RIT2: variants seen among roughly 807,000 people sequenced by gnomAD.
RIT2 encodes the protein GTP-binding protein Rit2.
In RIT2, 24 loss-of-function variants were observed where a neutral mutation model predicts 23.7. The observed-to-expected ratio is 1.01, with a 90% CI of 0.73 to 1.43. RIT2 has a LOEUF of 1.43. RIT2 is among the 40% of genes most tolerant of loss of function. The pLI is 0.00. For synonymous variants in RIT2, 107 were observed against 91.1 expected (o/e 1.17, Z -0.99); for missense variants, 236 against 266.9 (o/e 0.88, Z 0.81).
At chr18:42,965,236 A>G (rs1479664622) in intron 3 of RIT2, among the ~76,000 whole-genome samples, 1 of 152,228 alleles carries the variant, frequency 6.6e-6, no homozygotes, top group Non-Finnish European at 1.5e-5. Flanking sequence ...AATCCTTTAA[A>G]TAACATTTAA....
intron 2 of RIT2, among the ~76,000 whole-genome samples, chr18:43,029,004 T>C (rs1042133957): frequency 1.2e-4 from 19 of 152,064 alleles, no homozygotes; most frequent in African/African-American, 4.3e-4. Context: ...TCCATGCTGG[T>C]CTAACAGCCA....
At chr18:42,994,293 C>A (rs1041338501) in intron 2 of RIT2, among the ~76,000 whole-genome samples, 6 of 152,104 alleles carry the variant, frequency 3.9e-5, no homozygotes, top group Non-Finnish European at 8.8e-5. Flanking sequence ...ATTTCTTCTC[C>A]ATCCGTTACC....
intron 4 of RIT2, among the ~76,000 whole-genome samples, chr18:42,833,357 A>G (rs551653781): frequency 1.2e-4 from 19 of 152,246 alleles, no homozygotes; most frequent in African/African-American, 4.3e-4. Flanking sequence ...TTCTGTATAT[A>G]TACTACATTT....
At chr18:42,743,794 G>T in intron 4 of RIT2, 74 bp from the exon 5 acceptor site, 1 of 1,186,956 alleles carries the variant, frequency 8.4e-7, no homozygotes. Flanking sequence ...TTCTCTACTA[G>T]AGCTGTGTGT....
At chr18:42,993,202 C>T (rs531435608) in intron 2 of RIT2, among the ~76,000 whole-genome samples, 1 of 152,310 alleles carries the variant, frequency 6.6e-6, no homozygotes, top group African/African-American at 2.4e-5. Context: ...CCCAGGATTC[C>T]TCCTAAGCCA....
At chr18:42,766,328 A>T (rs1055335598) in intron 4 of RIT2, among the ~76,000 whole-genome samples, 7 of 152,184 alleles carry the variant, frequency 4.6e-5, no homozygotes, top group African/African-American at 1.7e-4. Flanking sequence ...TCAGATGGAG[A>T]TGAGGAATTT....
At chr18:42,853,504 G>A (rs774548018) in intron 4 of RIT2, among the ~76,000 whole-genome samples, 16 of 152,102 alleles carry the variant, frequency 1.1e-4, no homozygotes, top group East Asian at 3.9e-4. Context: ...GCCTTTGCAC[G>A]TTAAAAGCAT....
rs772207386 is a variant in RIT2, at chr18:42,974,125, G to C, written c.183C>G (p.Val61=). 2 of 1,611,240 alleles carry C rather than the reference G, an allele frequency of 1.2e-6. No homozygotes were observed. The highest frequency in any genetic ancestry group is 2.2e-5 in the South Asian group (2 of 90,924). Residue 61 remains valine, a synonymous_variant, in exon 3 of 5, where the codon GTC becomes GTG. Transcript: ENST00000326695. ...PTIEDAYKTQ[V]RIDNEPAYLD... Reference sequence around the variant, plus strand: ...AGTAAGCTGGCTCATTGTCAATCCTGACCTGGGTCTTATAAGCATCTTCTG... The same window carrying C: ...AGTAAGCTGGCTCATTGTCAATCCTCACCTGGGTCTTATAAGCATCTTCTG...
chr18:43,038,019 A>G (rs955035210), intron 1 of RIT2, among the ~76,000 whole-genome samples: 5 of 151,956 alleles, frequency 3.3e-5, no homozygotes, highest in African/African-American at 1.2e-4. Context: ...CCTGGCTAAC[A>G]TGGTGAAACC....
intron 4 of RIT2, among the ~76,000 whole-genome samples, chr18:42,820,119 C>A (rs1052716090): frequency 2.0e-5 from 3 of 151,964 alleles, no homozygotes; most frequent in Non-Finnish European, 2.9e-5. Context: ...ATTTTTTCCC[C>A]AAATATTTTG....
intron 1 of RIT2, among the ~76,000 whole-genome samples, chr18:43,038,949 T>C (rs567434473): frequency 5.2e-4 from 79 of 152,268 alleles, no homozygotes; most frequent in African/African-American, 1.7e-3. Context: ...GTGAGGATCA[T>C]AGAAGTAATT....
intron 2 of RIT2, among the ~76,000 whole-genome samples, chr18:43,016,852 CA>C (rs200636470): frequency 0.013 from 2,021 of 151,966 alleles, 42 homozygotes; most frequent in African/African-American, 0.046. Flanking sequence ...TGTGAAATGT[CA>C]GAATGTTGTC....
At position 43,115,675 on chromosome 18, in the gene RIT2, G is replaced by A. The variant is rs1351422351; in HGVS notation, c.-156C>T. ...GGCTGGCTGCTGGTCCTCCGCTCGA[G>A]CGGGTCTCATAGCAACCACTTCAAT... On this transcript the variant is annotated 5_prime_UTR_variant, in exon 1 of 5. Transcript: ENST00000326695. 1 of 1,087,350 alleles carries A rather than the reference G, an allele frequency of 9.2e-7. No individual in the cohort carries two copies. Among genetic ancestry groups the A allele is most frequent in the South Asian group, 1.8e-5 (1 of 54,182 alleles). 67.4% of individuals were successfully genotyped at this position (1,087,350 alleles called of 1,614,324 possible). A position where few individuals can be genotyped will look rare whatever the true frequency, so the allele number is the denominator to read the frequency against.
intron 4 of RIT2, among the ~76,000 whole-genome samples, chr18:42,815,800 T>C (rs1905978562): frequency 6.6e-6 from 1 of 152,120 alleles, no homozygotes; most frequent in Non-Finnish European, 1.5e-5. Flanking sequence ...ACAATACAAA[T>C]CACTCAAAAT....
intron 4 of RIT2, among the ~76,000 whole-genome samples, chr18:42,810,314 A>G (rs1275845702): frequency 1.3e-5 from 2 of 151,786 alleles, no homozygotes; most frequent in Non-Finnish European, 3.0e-5. Flanking sequence ...CCTTTATAGT[A>G]CAACTCCTCT....
chr18:42,771,344 G>C (rs1221702375), intron 4 of RIT2, among the ~76,000 whole-genome samples: 1 of 151,964 alleles, frequency 6.6e-6, no homozygotes, highest in African/African-American at 2.4e-5. Context: ...TTTAATATTT[G>C]TTTTTATATT....
At chr18:42,963,286 A>G (rs958486679) in intron 3 of RIT2, among the ~76,000 whole-genome samples, 4 of 152,228 alleles carry the variant, frequency 2.6e-5, no homozygotes, top group African/African-American at 9.6e-5. Flanking sequence ...CAATTGATTG[A>G]AAATAGTTAC....
intron 1 of RIT2, among the ~76,000 whole-genome samples, chr18:43,108,174 CAAA>C (rs35014387): frequency 3.7e-5 from 5 of 136,466 alleles, no homozygotes; most frequent in East Asian, 2.1e-4. Context: ...GACTCCATCT[CAAA>C]AAAAAAAAAA....
chr18:42,795,468 G>A (rs1438515009), intron 4 of RIT2, among the ~76,000 whole-genome samples: 4 of 152,220 alleles, frequency 2.6e-5, no homozygotes, highest in Non-Finnish European at 4.4e-5. Context: ...CTGCCTTCCC[G>A]CGGGGCAGGG....
Sources: gnomAD v4.1 joint callset for allele counts (sites outside exome capture counted in the v4.1 genomes callset) on GRCh38, gnomAD v4.1.1 for gene constraint, MANE v1.5 for transcripts, NCBI Gene and HGNC (gene_info 2026-07-23, HGNC 2026-07-21) for gene names.